SYNJ1: variants seen among roughly 807,000 people sequenced by gnomAD.
SYNJ1 encodes synaptojanin 1, also known as polyphosphatidylinositol phosphatase SYNJ1.
In SYNJ1, 78 loss-of-function variants were observed where a neutral mutation model predicts 168.2. That is an observed-to-expected ratio of 0.46 (90% CI 0.39 to 0.56). SYNJ1 has a LOEUF of 0.56. SYNJ1 is among the 20% of genes least tolerant of loss of function. The probability of loss-of-function intolerance (pLI) is 0.00; values close to 1 mark genes in which losing one functional copy is unlikely to be tolerated. For synonymous variants in SYNJ1, 539 were observed against 548.6 expected, an observed-to-expected ratio of 0.98 and a Z score of 0.24; for missense variants, 1,303 against 1,597.6, an observed-to-expected ratio of 0.82 and a Z score of 3.14.
chr21:32,679,597 T>C (rs1262217135), intron 11 of SYNJ1, among the ~76,000 whole-genome samples: 1 of 152,134 alleles, frequency 6.6e-6, no homozygotes, highest in African/African-American at 2.4e-5. Flanking sequence ...CAGTTTGCAA[T>C]ATGTAATTTT....
At chr21:32,665,896 A>G (rs768649078) in intron 17 of SYNJ1, 47 bp downstream of exon 17, 1 of 1,503,754 alleles carries the variant, frequency 6.7e-7, no homozygotes, top group Non-Finnish European at 8.9e-7. Context: ...GGCAAATTAA[A>G]ATATATTTCA....
intron 6 of SYNJ1, among the ~76,000 whole-genome samples, chr21:32,689,388 C>T (rs2041943269): frequency 6.6e-6 from 1 of 152,146 alleles, no homozygotes; most frequent in African/African-American, 2.4e-5. Context: ...CCTCTGCCTC[C>T]CGGGTTCAGG....
In SYNJ1 at chr21:32,631,493, G is replaced by A. The variant is rs149199429; in HGVS notation, c.*312C>T. Reference sequence around the variant, plus strand: ...ATGGGTTTCCAGGAGCAGCAGTCCTGTCACTGAAAGGATTTGTCCTGGTCA... The same window carrying A: ...ATGGGTTTCCAGGAGCAGCAGTCCTATCACTGAAAGGATTTGTCCTGGTCA... On this transcript the variant is annotated 3_prime_UTR_variant, in exon 33 of 33. Coordinates refer to ENST00000674351, the MANE Select transcript of SYNJ1 (RefSeq NM_203446.3). 83 of 1,613,964 alleles carry A rather than the reference G, an allele frequency of 5.1e-5. No homozygotes were observed. In the African/African-American group the frequency reaches 1.0e-3, roughly 20 times the overall value.
Position 32,727,716 on chromosome 21 carries a change from G to C in SYNJ1, c.-23+230C>G. 3.2e-6 allele frequency: 3 copies of C among 952,128 alleles called. No homozygotes were observed. The South Asian group carries it at 5.6e-5, about 18-fold the overall frequency. 59.0% of individuals were successfully genotyped at this position (952,128 alleles called of 1,614,324 possible). A position where few individuals can be genotyped will look rare whatever the true frequency, so the allele number is the denominator to read the frequency against. ...CAGGCGGATTCGGTTCGTTCCCGCG[G>C]GCGGGCTGACAGCCGCTGTCACCAC... On this transcript the variant is annotated intron_variant, in intron 1 of 32. Coordinates refer to ENST00000674351, the MANE Select transcript of SYNJ1 (RefSeq NM_203446.3).
rs1457083106 is a variant in SYNJ1, at chr21:32,694,395, A to G, written c.706-84T>C. The G allele has an allele frequency of 1.1e-5, 11 of 958,848 alleles. No homozygotes were observed. The East Asian group carries it at 1.2e-4, about 11-fold the overall frequency. 59.4% of individuals were successfully genotyped at this position (958,848 alleles called of 1,614,324 possible). ...TAGAAAAACAAATTTACTAAAATCT[A>G]TTGCATACTAGTTACATTTTATGAT... On this transcript the variant is annotated intron_variant, in intron 5 of 32. Coordinates refer to ENST00000674351, the MANE Select transcript of SYNJ1 (RefSeq NM_203446.3).
At chr21:32,690,103 G>A (rs1444265169) in intron 6 of SYNJ1, among the ~76,000 whole-genome samples, 1 of 152,166 alleles carries the variant, frequency 6.6e-6, no homozygotes, top group Non-Finnish European at 1.5e-5. Flanking sequence ...TGTCTTCCAG[G>A]TAATGCCTAT....
chr21:32,670,912 C>G (rs1017631113), intron 14 of SYNJ1: 1 of 693,560 alleles, frequency 1.4e-6, no homozygotes, highest in Admixed American at 6.3e-5. Context: ...TGCTGGCACT[C>G]TGGAAACTAC....
At chr21:32,675,218 C>T (rs1359612657) in intron 13 of SYNJ1, among the ~76,000 whole-genome samples, 2 of 152,070 alleles carry the variant, frequency 1.3e-5, no homozygotes, top group Non-Finnish European at 2.9e-5. Flanking sequence ...AATAATTACA[C>T]GGCTTAAAAT....
intron 21 of SYNJ1, among the ~76,000 whole-genome samples, chr21:32,656,211 C>T (rs530224790): frequency 1.3e-5 from 2 of 152,298 alleles, no homozygotes; most frequent in African/African-American, 2.4e-5. Flanking sequence ...CTGGGCAGAT[C>T]GCTTAAGGCC....
chr21:32,664,825 C>T, intron 18 of SYNJ1, 88 bp downstream of exon 18: 1 of 1,246,356 alleles, frequency 8.0e-7, no homozygotes, highest in Admixed American at 2.3e-5. Context: ...AAAAAGACCC[C>T]AAGAAAATTT....
At chr21:32,703,799 G>A (rs1450517726) in intron 2 of SYNJ1, among the ~76,000 whole-genome samples, 1 of 151,328 alleles carries the variant, frequency 6.6e-6, no homozygotes, top group Non-Finnish European at 1.5e-5. Context: ...ATGCAGCCTT[G>A]ACCTCCAGGG....
chr21:32,631,857 T>C, intron 32 of SYNJ1, 56 bp from the exon 33 acceptor site: 1 of 1,427,774 alleles, frequency 7.0e-7, no homozygotes. Context: ...TAATACCCCC[T>C]ATTCTTCCTG....
intron 2 of SYNJ1, among the ~76,000 whole-genome samples, chr21:32,718,789 T>TA (rs1330048391): frequency 1.3e-5 from 2 of 152,206 alleles, no homozygotes; most frequent in African/African-American, 4.8e-5. Flanking sequence ...TACTGTAAAT[T>TA]AAACCATACT....
chr21:32,659,128 A>G (rs1296901275), intron 18 of SYNJ1, among the ~76,000 whole-genome samples: 1 of 152,006 alleles, frequency 6.6e-6, no homozygotes, highest in East Asian at 1.9e-4. Flanking sequence ...ATTCTTCCCA[A>G]ATTTTGTGGT....
At position 32,643,471 on chromosome 21, in the gene SYNJ1, G is replaced by T; in HGVS notation, c.3431-14C>A. 2 of 1,612,952 alleles carry T rather than the reference G, an allele frequency of 1.2e-6. No individual in the cohort carries two copies. The highest frequency in any genetic ancestry group is 1.7e-6 in the Non-Finnish European group (2 of 1,179,178). On this transcript the variant is annotated splice_polypyrimidine_tract_variant and intron_variant, in intron 26 of 32. Transcript: ENST00000674351. ...GGGCTCCAATACCTTTTTAGAGAAA[G>T]AACAGAAACTATATATTGTTCAGGG...
chr21:32,681,782 A>G lies in SYNJ1; in HGVS notation c.1201-134T>C, dbSNP rs1413809564. The G allele has an allele frequency of 1.8e-5, 13 of 704,078 alleles. No homozygotes were observed. The East Asian group carries it at 2.6e-4, about 14-fold the overall frequency. 43.6% of individuals were successfully genotyped at this position (704,078 alleles called of 1,614,324 possible). ...TGGGACTAGCTTCTGAAAACATAAC[A>G]GTTTACTAGGCTGAGTTATTTCCCA... On this transcript the variant is annotated intron_variant, in intron 10 of 32. Coordinates refer to ENST00000674351, the MANE Select transcript of SYNJ1 (RefSeq NM_203446.3).
chr21:32,682,170 G>A (rs900007610), intron 10 of SYNJ1, among the ~76,000 whole-genome samples: 7 of 152,034 alleles, frequency 4.6e-5, no homozygotes, highest in Admixed American at 3.9e-4. Flanking sequence ...AATCCACATC[G>A]GTAATATATA....
upstream of SYNJ1, chr21:32,728,388 G>C (rs528040430): frequency 8.4e-6 from 2 of 237,982 alleles, no homozygotes; most frequent in South Asian, 1.2e-4. Context: ...CGGGCCTGAC[G>C]GGAGAGGAGG....
Position 32,631,269 on chromosome 21 carries a change from G to C in SYNJ1, c.*536C>G. ...ACCAAAATCCTCTTCTTCCTCGAAG[G>C]TTACCCATCCTTTCGGGTTGCTAAT... On this transcript the variant is annotated 3_prime_UTR_variant, in exon 33 of 33. Transcript: ENST00000674351. 1 of 1,614,200 alleles carries C rather than the reference G, an allele frequency of 6.2e-7. No homozygotes were observed. The highest frequency in any genetic ancestry group is 8.5e-7 in the Non-Finnish European group (1 of 1,180,038).
Sources: allele counts gnomAD v4.1 joint callset (sites outside exome capture counted in the v4.1 genomes callset), GRCh38; gene constraint gnomAD v4.1.1; transcripts MANE v1.5; gene names NCBI Gene and HGNC (gene_info 2026-07-23, HGNC 2026-07-21).